Variants in IQCH observed in about 807,000 individuals in gnomAD.
The protein encoded by IQCH is IQ domain-containing protein H.
Under a neutral mutation model 117.0 loss-of-function variants are expected in IQCH, and 98 were observed. That is an observed-to-expected ratio of 0.84 (90% CI 0.71 to 0.99). IQCH has a LOEUF of 0.99. Among genes scored for constraint, IQCH ranks in the 50% least tolerant of loss-of-function variants. The probability of loss-of-function intolerance (pLI) is 0.00; values close to 1 mark genes in which losing one functional copy is unlikely to be tolerated. For synonymous variants in IQCH, 412 were observed against 448.2 expected (o/e 0.92, Z 1.02); for missense variants, 1,102 against 1,243.8 (o/e 0.89, Z 1.72).
rs1971347526 is a variant in IQCH at position 67,393,293 on chromosome 15, T to C, written c.1633-1998T>C. On this transcript the variant is annotated intron_variant, in intron 12 of 20. Transcript: ENST00000335894. The surrounding 1 kb of genome is among the most constrained non-coding windows in gnomAD (Gnocchi z 5.5). ...GGTGTTCTCCCCAGTCTAGTTCTCT[T>C]TCTCCCATACTCAGGAGTTATACTC... is the stretch of plus-strand genomic sequence containing the variant. Among the ~76,000 whole-genome samples, 1 of 152,200 alleles carries C rather than the reference T, an allele frequency of 6.6e-6. No homozygotes were observed. Among genetic ancestry groups the C allele is most frequent in the Non-Finnish European group, 1.5e-5 (1 of 68,042 alleles).
In IQCH at chr15:67,407,661, G is replaced by T. The variant is rs1001195716; in HGVS notation, c.2097+7356G>T. On this transcript the variant is annotated intron_variant, in intron 14 of 20. Transcript: ENST00000335894. This position sits in a 1 kb window ranked among gnomAD's most constrained non-coding sequence, Gnocchi z 5.3. Reference sequence around the variant, plus strand: ...GGCCTGCAGTGTTAATTTTTAATATGCTTACAAAGTACCCTTTGATTTTCT... The same window carrying T: ...GGCCTGCAGTGTTAATTTTTAATATTCTTACAAAGTACCCTTTGATTTTCT... 3 of 152,164 alleles carry T rather than the reference G, an allele frequency of 2.0e-5. No individual in the cohort carries two copies. Among genetic ancestry groups the T allele is most frequent in the African/African-American group, 7.2e-5 (3 of 41,426 alleles). The allele number at this position is 152,164 out of a possible 1,614,324, so 9.4% of individuals were successfully genotyped here. A position where few individuals can be genotyped will look rare whatever the true frequency, so the allele number is the denominator to read the frequency against.
At position 67,381,702 on chromosome 15, in the gene IQCH, C is replaced by T. The variant is rs1340593398; in HGVS notation, c.1373-3234C>T. 1.3e-5 allele frequency among the ~76,000 whole-genome samples: 2 copies of T among 152,062 alleles called. No homozygotes were observed. Among genetic ancestry groups the T allele is most frequent in the Non-Finnish European group, 2.9e-5 (2 of 68,004 alleles). ...AGGGCTAAGAATTTAAAAGACAGGC[C>T]GGACATGGTGGCTCATGCCTATAAT... On this transcript the variant is annotated intron_variant, in intron 10 of 20. Transcript: ENST00000335894. This position sits in a 1 kb window ranked among gnomAD's most constrained non-coding sequence, Gnocchi z 5.1.
chr15:67,461,969 A>G (rs1451589168), intron 16 of IQCH, among the ~76,000 whole-genome samples: 1 of 152,064 alleles, frequency 6.6e-6, no homozygotes, highest in Non-Finnish European at 1.5e-5. Flanking sequence ...TCTGTAATGA[A>G]CTTTATTTGT....
At chr15:67,468,726 T>C (rs975120428) in intron 17 of IQCH, among the ~76,000 whole-genome samples, 17 of 152,264 alleles carry the variant, frequency 1.1e-4, no homozygotes, top group African/African-American at 3.6e-4. Context: ...ACTTGGATTA[T>C]TTTATCAAAC....
chr15:67,413,636 G>T lies in IQCH; in HGVS notation c.2098-3295G>T, dbSNP rs751758559. ...TCCCATCAGACACTTTCAAAATAAA[G>T]AAATAAATTAAACAGTTAATACCCC... On this transcript the variant is annotated intron_variant, in intron 14 of 20. Coordinates refer to ENST00000335894, the MANE Select transcript of IQCH (RefSeq NM_001031715.3). This position sits in a 1 kb window ranked among gnomAD's most constrained non-coding sequence, Gnocchi z 5.0. 6 of 152,058 alleles carry T rather than the reference G, an allele frequency of 3.9e-5. No individual in the cohort carries two copies. Among genetic ancestry groups the T allele is most frequent in the Non-Finnish European group, 8.8e-5 (6 of 68,018 alleles). 9.4% of individuals were successfully genotyped at this position (152,058 alleles called of 1,614,324 possible).
intron 4 of IQCH, among the ~76,000 whole-genome samples, chr15:67,298,191 C>T (rs980272482): frequency 6.6e-6 from 1 of 151,314 alleles, no homozygotes; most frequent in African/African-American, 2.4e-5. Flanking sequence ...GCCTGTAATC[C>T]CAGCTACTTG....
At chr15:67,338,626 A>G (rs909963718) in intron 5 of IQCH, among the ~76,000 whole-genome samples, 7 of 152,204 alleles carry the variant, frequency 4.6e-5, no homozygotes, top group African/African-American at 1.7e-4. Flanking sequence ...AATCATTTTG[A>G]AAAATGAACT....
chr15:67,475,303 CCT>C lies in IQCH; in HGVS notation c.2677-392_2677-391del, dbSNP rs1232086448. 3.9e-5 allele frequency among the ~76,000 whole-genome samples: 6 copies of C among 151,964 alleles called. No individual in the cohort carries two copies. Among genetic ancestry groups the C allele is most frequent in the Admixed American group, 6.6e-5 (1 of 15,254 alleles). On this transcript the variant is annotated intron_variant, in intron 17 of 20. Coordinates refer to ENST00000335894, the MANE Select transcript of IQCH (RefSeq NM_001031715.3). This position sits in a 1 kb window ranked among gnomAD's most constrained non-coding sequence, Gnocchi z 5.7. ...CCAGCCTGGGCAACATAGTGAGACCCCTGTCTCTACAAAAAAATAATAAAGTT... is the reference window on the plus strand; with the variant it reads ...CCAGCCTGGGCAACATAGTGAGACCCGTCTCTACAAAAAAATAATAAAGTT...
intron 16 of IQCH, among the ~76,000 whole-genome samples, chr15:67,423,747 G>T (rs1011695435): frequency 1.3e-5 from 2 of 151,332 alleles, no homozygotes; most frequent in Non-Finnish European, 1.5e-5. Context: ...CCAGCTGCTC[G>T]GGAGGCTGAG....
At chr15:67,392,063 G>A (rs1971303950) in intron 12 of IQCH, among the ~76,000 whole-genome samples, 1 of 152,170 alleles carries the variant, frequency 6.6e-6, no homozygotes, top group South Asian at 2.1e-4. Context: ...TGTGTTAACG[G>A]GGTTTGAATC....
chr15:67,462,843 G>A (rs998215940), intron 16 of IQCH, among the ~76,000 whole-genome samples: 1 of 152,094 alleles, frequency 6.6e-6, no homozygotes, highest in Non-Finnish European at 1.5e-5. Flanking sequence ...TTAAGGGAAA[G>A]TAGCTGTCCC....
chr15:67,337,380 A>G (rs1462251056), intron 5 of IQCH, among the ~76,000 whole-genome samples: 1 of 152,178 alleles, frequency 6.6e-6, no homozygotes, highest in Non-Finnish European at 1.5e-5. Context: ...TGTTTATGTG[A>G]TAGCATTAGA....
chr15:67,487,953 GA>G (rs1407086836), intron 18 of IQCH, among the ~76,000 whole-genome samples: 1 of 149,514 alleles, frequency 6.7e-6, no homozygotes, highest in East Asian at 1.9e-4. Context: ...ATTTTCAAAG[GA>G]AAAAAAAAAG....
Position 67,372,112 on chromosome 15 carries a change from C to T in IQCH, c.755C>T (p.Ala252Val). The T allele has an allele frequency of 6.3e-7, 1 of 1,597,548 alleles. No homozygotes were observed. The highest frequency in any genetic ancestry group is 1.1e-5 in the South Asian group (1 of 87,906). ...RRSRGHHDRK[A>V]MKVKTPLRAL... ...AAATATATTTCTTTTTTTCCACAGG[C>T]CATGAAAGTCAAAACACCTTTGAGA... Residue 252 changes from alanine (A) to valine (V), a missense_variant and splice_region_variant, in exon 9 of 21, where the codon GCC becomes GTC. Around this residue, in one of 2 missense-constraint regions of IQCH, gnomAD observed 452 missense variants for 449.6 expected, o/e 1.01. Coordinates refer to ENST00000335894, the MANE Select transcript of IQCH (RefSeq NM_001031715.3).
At chr15:67,261,160 C>A in intron 1 of IQCH, 112 bp from the exon 2 acceptor site, 1 of 609,002 alleles carries the variant, frequency 1.6e-6, no homozygotes, top group Non-Finnish European at 2.6e-6. Flanking sequence ...ACCATAAAAT[C>A]AGCTTTGTGT....
intron 4 of IQCH, among the ~76,000 whole-genome samples, chr15:67,318,913 G>C (rs1364799770): frequency 6.6e-6 from 1 of 152,124 alleles, no homozygotes; most frequent in Non-Finnish European, 1.5e-5. Context: ...GCTGAAGTAA[G>C]ATGTTTGAAA....
chr15:67,362,828 C>T (rs190265425), intron 8 of IQCH, among the ~76,000 whole-genome samples: 11 of 152,300 alleles, frequency 7.2e-5, no homozygotes, highest in East Asian at 5.8e-4. Context: ...ACAAAGTGTT[C>T]GAGGCTTTAA....
chr15:67,323,212 ATTCT>A (rs1968225315), intron 4 of IQCH, among the ~76,000 whole-genome samples: 3 of 128,660 alleles, frequency 2.3e-5, no homozygotes, highest in Admixed American at 2.3e-4. Context: ...TTTGTTCCTT[ATTCT>A]TTGTTTTCTG....
intron 18 of IQCH, among the ~76,000 whole-genome samples, chr15:67,477,389 C>T (rs866622862): frequency 6.6e-6 from 1 of 152,072 alleles, no homozygotes; most frequent in African/African-American, 2.4e-5. Flanking sequence ...ACCTTCAGCA[C>T]GAGGCCAAAT....
Sources: gnomAD v4.1 joint callset for allele counts (sites outside exome capture counted in the v4.1 genomes callset) on GRCh38, gnomAD v4.1.1 for gene constraint, gnomAD v4.1.1 regional missense constraint, Gnocchi (gnomAD v3.1) non-coding constraint, MANE v1.5 for transcripts, NCBI Gene and HGNC (gene_info 2026-07-23, HGNC 2026-07-21) for gene names.